CASP5: variants seen among roughly 807,000 people sequenced by gnomAD.
CASP5 encodes caspase-5.
CASP5 carries 42 observed loss-of-function variants against 45.2 expected under a neutral mutation model. That is an observed-to-expected ratio of 0.93 (90% CI 0.73 to 1.20). CASP5 has a LOEUF of 1.20. Among genes scored for constraint, CASP5 ranks in the 50% most tolerant of loss-of-function variants. CASP5 has a pLI of 0.00. For synonymous variants in CASP5, 209 were observed against 186.2 expected, an observed-to-expected ratio of 1.12 and a Z score of -1.00; for missense variants, 512 against 532.2, an observed-to-expected ratio of 0.96 and a Z score of 0.37.
chr11:105,017,778 A>G (rs1386324520), intron 1 of CASP5, among the ~76,000 whole-genome samples: 2 of 152,152 alleles, frequency 1.3e-5, no homozygotes, highest in African/African-American at 2.4e-5. Context: ...AAGGCAGGCC[A>G]ACATTCAGAT....
At chr11:105,009,249 T>C (rs918973167) in intron 1 of CASP5, among the ~76,000 whole-genome samples, 2 of 151,938 alleles carry the variant, frequency 1.3e-5, no homozygotes, top group African/African-American at 4.8e-5. Context: ...TAATGCTAAA[T>C]TCCTGGTCAT....
intron 3 of CASP5, 70 bp downstream of exon 3, chr11:105,007,008 TAACAC>T: frequency 8.1e-7 from 1 of 1,241,546 alleles, no homozygotes; most frequent in Non-Finnish European, 1.1e-6. Context: ...AGATCACAGA[TAACAC>T]TGCATGGGCC....
intron 1 of CASP5, among the ~76,000 whole-genome samples, chr11:105,020,099 T>C (rs1474952390): frequency 1.4e-5 from 2 of 145,696 alleles, no homozygotes; most frequent in African/African-American, 2.5e-5. Context: ...TTTGACAAAA[T>C]TCAACAACGC....
intron 3 of CASP5, among the ~76,000 whole-genome samples, chr11:105,005,356 A>ATGTGTGTG (rs5794366): frequency 0.02 from 2,850 of 139,304 alleles, 49 homozygotes; most frequent in Non-Finnish European, 0.028. Flanking sequence ...GTATATATAT[A>ATGTGTGTG]TGTGTGTGTG....
chr11:105,001,930 A>G, intron 5 of CASP5, 98 bp downstream of exon 5: 1 of 1,203,746 alleles, frequency 8.3e-7, no homozygotes, highest in Non-Finnish European at 1.2e-6. Flanking sequence ...ACGAACCCAG[A>G]GGTTGTTAAA....
intron 1 of CASP5, among the ~76,000 whole-genome samples, chr11:105,009,604 C>T (rs3181317): frequency 0.33 from 49,772 of 148,784 alleles, 8,543 homozygotes; most frequent in African/African-American, 0.4. Flanking sequence ...TTTCTCAAAC[C>T]AAAATTTAGA....
At chr11:104,994,620 C>T (rs911037195) in intron 9 of CASP5, among the ~76,000 whole-genome samples, 28 of 152,192 alleles carry the variant, frequency 1.8e-4, no homozygotes, top group Non-Finnish European at 4.0e-4. Context: ...ATGTGATGTT[C>T]AAGCACATTG....
At position 105,002,177 on chromosome 11, in the gene CASP5, CCTCT is replaced by C. The variant is rs1255178540; in HGVS notation, c.564_567del (p.Glu189ThrfsTer30). ...ATGATGAGAGCCAGGCGTCTGCGGTCCTCTCTCTTTTTTATTGGATAGATCTGCA... is the reference window on the plus strand; with the variant it reads ...ATGATGAGAGCCAGGCGTCTGCGGTCCTCTTTTTTATTGGATAGATCTGCA... On this transcript the variant is annotated frameshift_variant, in exon 5 of 10. Transcript: ENST00000260315. LOFTEE classifies it high-confidence loss of function. 5.6e-6 allele frequency: 9 copies of C among 1,613,868 alleles called. No homozygotes were observed. The East Asian group carries it at 1.6e-4, about 28-fold the overall frequency.
chr11:104,995,472 C>T lies in CASP5; in HGVS notation c.*4+268G>A, dbSNP rs7124446. The stretch of plus-strand genomic sequence containing the variant: ...ATAATTAATAATGGTAATATTTGTA[C>T]ATTATTATTTTAATAATTACTAACC... On this transcript the variant is annotated intron_variant, in intron 9 of 9. Transcript: ENST00000260315. Among the ~76,000 whole-genome samples, 529 of 152,140 alleles carry T rather than the reference C, an allele frequency of 3.5e-3. 3 individuals carry two copies. Among genetic ancestry groups the T allele is most frequent in the African/African-American group, 0.012 (486 of 41,490 alleles).
chr11:105,009,515 C>A (rs1267810975), intron 1 of CASP5, among the ~76,000 whole-genome samples: 1 of 151,248 alleles, frequency 6.6e-6, no homozygotes, highest in Non-Finnish European at 1.5e-5. Context: ...GCTTAATCTG[C>A]TTGCTGAATA....
At chr11:105,003,734 T>A (rs1000235164) in intron 3 of CASP5, among the ~76,000 whole-genome samples, 1 of 152,140 alleles carries the variant, frequency 6.6e-6, no homozygotes, top group East Asian at 1.9e-4. Flanking sequence ...ATTTGGACTT[T>A]CTGCTGTGTC....
At chr11:105,016,530 T>G (rs1862606977) in intron 1 of CASP5, among the ~76,000 whole-genome samples, 1 of 152,100 alleles carries the variant, frequency 6.6e-6, no homozygotes, top group Non-Finnish European at 1.5e-5. Context: ...CCTTTCCTAG[T>G]CAAAGAAAGG....
intron 9 of CASP5, 30 bp downstream of exon 9, chr11:104,995,710 T>C (rs1440951638): frequency 7.0e-7 from 1 of 1,419,796 alleles, no homozygotes. Flanking sequence ...CTTTCATTTA[T>C]TTCACCCTCC....
At chr11:105,012,444 A>G (rs1319847546) in intron 1 of CASP5, among the ~76,000 whole-genome samples, 1 of 151,930 alleles carries the variant, frequency 6.6e-6, no homozygotes, top group Non-Finnish European at 1.5e-5. Context: ...ACATCAAACT[A>G]AAAAGCTTTT....
At chr11:105,009,720 C>CATATATATAT (rs199695891) in intron 1 of CASP5, among the ~76,000 whole-genome samples, 5 of 64,058 alleles carry the variant, frequency 7.8e-5, no homozygotes, top group Non-Finnish European at 1.3e-4. Flanking sequence ...TATATACACA[C>CATATATATAT]ATATATATAT....
At chr11:104,995,874 G>GCA in intron 8 of CASP5, 32 bp from the exon 9 acceptor site, 1 of 1,388,970 alleles carries the variant, frequency 7.2e-7, no homozygotes, top group Non-Finnish European at 1.0e-6. Context: ...GAGATATGAG[G>GCA]GATTTTGGGT....
At chr11:104,995,618 G>C in intron 9 of CASP5, 122 bp downstream of exon 9, 1 of 606,154 alleles carries the variant, frequency 1.6e-6, no homozygotes, top group Non-Finnish European at 3.0e-6. Flanking sequence ...ATACTCACCA[G>C]ACTACATCAA....
At chr11:104,995,005 A>G (rs984934983) in intron 9 of CASP5, among the ~76,000 whole-genome samples, 3 of 152,214 alleles carry the variant, frequency 2.0e-5, no homozygotes, top group Non-Finnish European at 4.4e-5. Context: ...AAGAATGCAC[A>G]CTGGGGTGGA....
At chr11:104,997,252 A>G (rs531162048) in intron 8 of CASP5, 131 bp downstream of exon 8, 59 of 667,928 alleles carry the variant, frequency 8.8e-5, no homozygotes, top group African/African-American at 7.7e-4. Context: ...AAACACCTGA[A>G]TGACAGAAAT....
Sources: allele counts gnomAD v4.1 joint callset (sites outside exome capture counted in the v4.1 genomes callset), GRCh38; gene constraint gnomAD v4.1.1; transcripts MANE v1.5; gene names NCBI Gene and HGNC (gene_info 2026-07-23, HGNC 2026-07-21).